SPG11: variants seen among roughly 807,000 people sequenced by gnomAD.
SPG11 encodes spatacsin.
In SPG11, 222 loss-of-function variants were observed where a neutral mutation model predicts 274.0. That is an observed-to-expected ratio of 0.81 (90% CI 0.73 to 0.91). SPG11 has a LOEUF of 0.91. Among genes scored for constraint, SPG11 ranks in the 40% least tolerant of loss-of-function variants. The pLI is 0.00. For synonymous variants in SPG11, 1,144 were observed against 1,039.7 expected (o/e 1.10, Z -1.93); for missense variants, 3,114 against 2,872.7 (o/e 1.08, Z -1.92).
chr15:44,599,163 C>T (rs1293779290), intron 21 of SPG11, among the ~76,000 whole-genome samples: 3 of 151,918 alleles, frequency 2.0e-5, no homozygotes, highest in African/African-American at 4.8e-5. Context: ...ATTATGAGTA[C>T]GTATACAAAC....
Position 44,596,089 on chromosome 15 carries a change from A to C in SPG11, c.4428T>G (p.Cys1476Trp). The change falls in exon 25 of 40, where the codon TGT becomes TGG. Residue 1476 changes from cysteine to tryptophan, a missense_variant. By Grantham distance (215) the Cys-to-Trp change is radical. Transcript: ENST00000261866. ...QAPILSVLAS[C>W]LQGASAISCL... ...GGCTTCTCATGATCCTCACCTGGAG[A>C]CATGAGGCCAGAACACTGAGGATAG... The C allele has an allele frequency of 6.2e-7, 1 of 1,613,224 alleles. No homozygotes were observed. The highest frequency in any genetic ancestry group is 8.5e-7 in the Non-Finnish European group (1 of 1,180,028).
intron 30 of SPG11, among the ~76,000 whole-genome samples, chr15:44,582,372 A>G (rs2082673738): frequency 6.6e-6 from 1 of 152,174 alleles, no homozygotes; most frequent in African/African-American, 2.4e-5. Flanking sequence ...ATATAGTGGA[A>G]CCCCATCTCT....
At chr15:44,585,555 T>C (rs1248738328) in intron 29 of SPG11, 81 bp downstream of exon 29, 17 of 1,159,766 alleles carry the variant, frequency 1.5e-5, no homozygotes, top group Non-Finnish European at 2.0e-5. Flanking sequence ...CGAGCGGAGA[T>C]CGCGCCACTG....
chr15:44,618,215 T>G (rs898290468), intron 15 of SPG11, among the ~76,000 whole-genome samples: 1 of 151,926 alleles, frequency 6.6e-6, no homozygotes, highest in African/African-American at 2.4e-5. Flanking sequence ...CCTTTTAAGT[T>G]AAGGGAGTTT....
chr15:44,575,025 A>G lies in SPG11; in HGVS notation c.5883T>C (p.Ser1961=). Residue 1961 remains serine (S), a synonymous_variant, in exon 31 of 40, where the codon AGT becomes AGC. Transcript: ENST00000261866. ...RRVHSTSSLD[S]QKFVTVPSSN... Reference sequence around the variant, plus strand: ...TGGAGGGCACTGTCACAAACTTCTGACTATCCAGACTTGAAGCTGGAAGCA... The same window carrying G: ...TGGAGGGCACTGTCACAAACTTCTGGCTATCCAGACTTGAAGCTGGAAGCA... 2 of 1,613,958 alleles carry G rather than the reference A, an allele frequency of 1.2e-6. No homozygotes were observed. Among genetic ancestry groups the G allele is most frequent in the Non-Finnish European group, 1.7e-6 (2 of 1,180,012 alleles).
intron 15 of SPG11, among the ~76,000 whole-genome samples, chr15:44,617,681 T>C (rs1338803844): frequency 6.6e-6 from 1 of 152,180 alleles, no homozygotes; most frequent in East Asian, 1.9e-4. Context: ...AATTTCTTTT[T>C]GTTGTTTTTT....
At chr15:44,656,782 G>A (rs2084953461) in intron 4 of SPG11, among the ~76,000 whole-genome samples, 1 of 152,144 alleles carries the variant, frequency 6.6e-6, no homozygotes. Context: ...GAGAAAATTA[G>A]GGAAATAACA....
chr15:44,637,880 C>T (rs1203038863), intron 7 of SPG11, among the ~76,000 whole-genome samples: 3 of 152,112 alleles, frequency 2.0e-5, no homozygotes, highest in Non-Finnish European at 4.4e-5. Context: ...GCATAGGAGA[C>T]GATAGCTCCA....
At chr15:44,572,036 C>T (rs2082435347) in intron 33 of SPG11, among the ~76,000 whole-genome samples, 1 of 152,212 alleles carries the variant, frequency 6.6e-6, no homozygotes. Flanking sequence ...TCTAATTATC[C>T]TCTGCCCTCG....
chr15:44,612,970 G>GT (rs1223881272), intron 17 of SPG11, among the ~76,000 whole-genome samples: 1 of 152,134 alleles, frequency 6.6e-6, no homozygotes, highest in East Asian at 1.9e-4. Flanking sequence ...TACAACCAGA[G>GT]TAAGCCTCTA....
At chr15:44,633,916 G>A (rs1284838409) in intron 7 of SPG11, among the ~76,000 whole-genome samples, 2 of 151,778 alleles carry the variant, frequency 1.3e-5, no homozygotes, top group Non-Finnish European at 2.9e-5. Flanking sequence ...TTAGCTCAAT[G>A]CAACCTTTAT....
rs1428358542 is a variant in SPG11 at position 44,660,449 on chromosome 15, A to G, written c.425T>C (p.Ile142Thr). ...SCSREALQKL[I>T]DDQDISISLL... ...ATACTTACTGATATCTTGATCGTCA[A>G]TGAGCTTTTGCAATGCCTCCCTACT... The change falls in exon 2 of 40, where the codon ATT (isoleucine) becomes ACT (threonine). Residue 142 changes from isoleucine (I) to threonine (T), a missense_variant. Coordinates refer to ENST00000261866, the MANE Select transcript of SPG11 (RefSeq NM_025137.4). 25 of 1,613,822 alleles carry G rather than the reference A, an allele frequency of 1.5e-5. No homozygotes were observed. In the Admixed American group the frequency reaches 2.8e-4, roughly 18 times the overall value.
At chr15:44,566,072 C>T in intron 37 of SPG11, 63 bp from the exon 38 acceptor site, 1 of 1,604,222 alleles carries the variant, frequency 6.2e-7, no homozygotes, top group Non-Finnish European at 8.5e-7. Context: ...CTGTGTGAAC[C>T]CTCACAACGG....
intron 30 of SPG11, 95 bp downstream of exon 30, chr15:44,583,719 G>T: frequency 2.6e-6 from 4 of 1,554,190 alleles, no homozygotes; most frequent in Non-Finnish European, 3.5e-6. Flanking sequence ...CCCTTAACTT[G>T]GTAGAACTAT....
Position 44,633,564 on chromosome 15 carries a change from G to A in SPG11, c.1676C>T (p.Ser559Phe). 1 of 1,612,184 alleles carries A rather than the reference G, an allele frequency of 6.2e-7. No homozygotes were observed. The highest frequency in any genetic ancestry group is 8.5e-7 in the Non-Finnish European group (1 of 1,178,590). ...CTGATCAGATACAGAAGATTTTGAG[G>A]ATGGATTAAAAAGATTTTCCTTGCT... Reference protein sequence around the residue: ...LKSKENLFNPSSKSSVSDQFD... With the variant: ...LKSKENLFNPFSKSSVSDQFD... The change falls in exon 8 of 40, where the codon TCC becomes TTC. Residue 559 changes from serine to phenylalanine, a missense_variant. Physicochemically the swap from Ser to Phe is radical, Grantham distance 155. Transcript: ENST00000261866.
chr15:44,595,003 G>C lies in SPG11; in HGVS notation c.4635+256C>G, dbSNP rs372720669. On this transcript the variant is annotated intron_variant, in intron 26 of 39. Coordinates refer to ENST00000261866, the MANE Select transcript of SPG11 (RefSeq NM_025137.4). Reference sequence around the variant, plus strand: ...GGCTAATTTTTGTATTTTTAGTAGAGACAGGGTTTCACCATGTTGAACAGG... The same window carrying C: ...GGCTAATTTTTGTATTTTTAGTAGACACAGGGTTTCACCATGTTGAACAGG... Among the ~76,000 whole-genome samples, 6 of 152,252 alleles carry C rather than the reference G, an allele frequency of 3.9e-5. No homozygotes were observed. The East Asian group carries it at 9.7e-4, about 25-fold the overall frequency.
chr15:44,587,718 A>AAAAAAAAAAAAAAC lies in SPG11; in HGVS notation c.4906+1533_4906+1534insGTTTTTTTTTTTTT, dbSNP rs1567141736. On this transcript the variant is annotated intron_variant, in intron 28 of 39. Coordinates refer to ENST00000261866, the MANE Select transcript of SPG11 (RefSeq NM_025137.4). ...CAAAAAAAAAAAAAAAAAAAAAAAAAAACGTATTCCTGTTCTCTAAGCAAA... is the reference window on the plus strand; with the variant it reads ...CAAAAAAAAAAAAAAAAAAAAAAAAAAAAAAAAAAAAAACAACGTATTCCTGTTCTCTAAGCAAA... Among the ~76,000 whole-genome samples the AAAAAAAAAAAAAAC allele has an allele frequency of 2.8e-4, 41 of 148,726 alleles. 3 individuals are homozygous for AAAAAAAAAAAAAAC. The highest frequency in any genetic ancestry group is 1.1e-3 in the African/African-American group (41 of 38,972).
chr15:44,643,902 G>A (rs2084530048), intron 7 of SPG11, among the ~76,000 whole-genome samples: 1 of 151,764 alleles, frequency 6.6e-6, no homozygotes, highest in Admixed American at 6.6e-5. Context: ...GGTGGCTCAC[G>A]CCTGTAATCC....
chr15:44,572,269 T>C (rs2082439599), intron 33 of SPG11, among the ~76,000 whole-genome samples: 1 of 152,216 alleles, frequency 6.6e-6, no homozygotes, highest in Non-Finnish European at 1.5e-5. Flanking sequence ...TCACACATTC[T>C]AATGAAGGCC....
Sources: gnomAD v4.1 joint callset for allele counts (sites outside exome capture counted in the v4.1 genomes callset) on GRCh38, gnomAD v4.1.1 for gene constraint, MANE v1.5 for transcripts, NCBI Gene and HGNC (gene_info 2026-07-23, HGNC 2026-07-21) for gene names.